The following SLC38A1 variants were observed in gnomAD, a reference collection of about 807,000 sequenced individuals.
SLC38A1 encodes sodium-coupled neutral amino acid symporter 1.
A neutral mutation model predicts 60.3 loss-of-function variants in SLC38A1; 18 were observed. The observed-to-expected ratio is 0.30, with a 90% CI of 0.21 to 0.44. The LOEUF (loss-of-function observed/expected upper bound fraction) is 0.44. SLC38A1 is among the 20% of genes least tolerant of loss of function. The pLI is 1.00. For missense variants in SLC38A1, 448 were observed against 587.2 expected (o/e 0.76, Z 2.45); for synonymous variants, 196 against 212.1 (o/e 0.92, Z 0.66).
intron 1 of SLC38A1, among the ~76,000 whole-genome samples, chr12:46,258,863 A>G (rs565347325): frequency 7.2e-5 from 11 of 152,340 alleles, no homozygotes; most frequent in African/African-American, 2.6e-4. Flanking sequence ...TATGTTGGCC[A>G]GGCTGGTCTT....
At chr12:46,248,319 C>G (rs1435801009) in intron 1 of SLC38A1, among the ~76,000 whole-genome samples, 3 of 151,870 alleles carry the variant, frequency 2.0e-5, no homozygotes, top group Non-Finnish European at 4.4e-5. Context: ...CACATAAGCT[C>G]AAAATATAGG....
At chr12:46,240,068 T>C (rs1353992696) in intron 2 of SLC38A1, among the ~76,000 whole-genome samples, 175 bp from the exon 3 acceptor site, 2 of 152,190 alleles carry the variant, frequency 1.3e-5, no homozygotes, top group African/African-American at 2.4e-5. Context: ...CTAAATTTTA[T>C]GCCTTTTATA....
At chr12:46,229,923 C>T (rs983540339) in intron 3 of SLC38A1, among the ~76,000 whole-genome samples, 1 of 152,126 alleles carries the variant, frequency 6.6e-6, no homozygotes, top group African/African-American at 2.4e-5. Flanking sequence ...CAAAACAATG[C>T]CAATAACAGG....
At position 46,188,699 on chromosome 12, in the gene SLC38A1, T is replaced by TA. The variant is rs1367160010; in HGVS notation, c.*270dup. On this transcript the variant is annotated 3_prime_UTR_variant, in exon 17 of 17. Transcript: ENST00000398637. ...GCCACAAAACATAGAGTTAGATGGGTAAAAAATGATTGTGAAAAGTACTGG... is the reference window on the plus strand; with the variant it reads ...GCCACAAAACATAGAGTTAGATGGGTAAAAAAATGATTGTGAAAAGTACTGG... 3.2e-6 allele frequency: 1 copy of TA among 309,800 alleles called. No homozygotes were observed. Among genetic ancestry groups the TA allele is most frequent in the African/African-American group, 2.1e-5 (1 of 47,256 alleles). 19.2% of individuals were successfully genotyped at this position (309,800 alleles called of 1,614,324 possible). A position where few individuals can be genotyped will look rare whatever the true frequency, so the allele number is the denominator to read the frequency against.
intron 3 of SLC38A1, among the ~76,000 whole-genome samples, chr12:46,231,533 TCAATTACCTGATCATGGTTAGAA>T (rs1941077597): frequency 6.6e-6 from 1 of 152,246 alleles, no homozygotes; most frequent in Admixed American, 6.5e-5. Flanking sequence ...GTCTGGAAAT[TCAATTACCTGATCATGGTTAGAA>T]CAAATGACAG....
rs1592063716 is a variant in SLC38A1, at chr12:46,195,913, G to A, written c.1362+1807C>T. On this transcript the variant is annotated intron_variant, in intron 16 of 16. Transcript: ENST00000398637. ...CCCTGACCCCTTGTGCTTCCTGGGT[G>A]AGGTGACGCCCCACCTTGCTTCAGC... The A allele has an allele frequency of 1.2e-5, 5 of 402,200 alleles. No individual in the cohort carries two copies. In the East Asian group the frequency reaches 2.6e-4, roughly 21 times the overall value. The allele number at this position is 402,200 out of a possible 1,614,324, so 24.9% of individuals were successfully genotyped here. A position where few individuals can be genotyped will look rare whatever the true frequency, so the allele number is the denominator to read the frequency against.
chr12:46,192,896 T>G (rs1376118567), intron 16 of SLC38A1, among the ~76,000 whole-genome samples: 3 of 152,194 alleles, frequency 2.0e-5, no homozygotes. Context: ...CCTGGATTCA[T>G]TGATTTTTTG....
At position 46,229,641 on chromosome 12, in the gene SLC38A1, T is replaced by C; in HGVS notation, c.123-2A>G. The C allele has an allele frequency of 6.2e-7, 1 of 1,611,596 alleles. No individual in the cohort carries two copies. Among genetic ancestry groups the C allele is most frequent in the Non-Finnish European group, 8.5e-7 (1 of 1,178,086 alleles). Reference sequence around the variant, plus strand: ...CTTTCACGATCAGAAATAAACTTGCTGTAAAGACATGCGTAATATATTTAA... The same window carrying C: ...CTTTCACGATCAGAAATAAACTTGCCGTAAAGACATGCGTAATATATTTAA... On this transcript the variant is annotated splice_acceptor_variant, in intron 3 of 16. Transcript: ENST00000398637. LOFTEE classifies it high-confidence loss of function.
At position 46,188,906 on chromosome 12, in the gene SLC38A1, G is replaced by A; in HGVS notation, c.*64C>T. ...TAAACTTGCAAAAGAAGTGGTGAGA[G>A]ATTGCTGATGTGTGGGGACTTGACT... is the stretch of plus-strand genomic sequence containing the variant. On this transcript the variant is annotated 3_prime_UTR_variant, in exon 17 of 17. Transcript: ENST00000398637. 2.3e-6 allele frequency: 3 copies of A among 1,299,864 alleles called. No homozygotes were observed. Among genetic ancestry groups the A allele is most frequent in the Non-Finnish European group, 2.2e-6 (2 of 904,124 alleles). The allele number at this position is 1,299,864 out of a possible 1,614,324, so 80.5% of individuals were successfully genotyped here.
At chr12:46,199,078 C>T (rs748619793) in intron 13 of SLC38A1, among the ~76,000 whole-genome samples, 1 of 151,930 alleles carries the variant, frequency 6.6e-6, no homozygotes, top group Non-Finnish European at 1.5e-5. Flanking sequence ...CTAGACTTTC[C>T]CTCCACTCTT....
At chr12:46,204,646 T>C (rs914819478) in intron 9 of SLC38A1, 56 bp from the exon 10 acceptor site, 1 of 1,366,880 alleles carries the variant, frequency 7.3e-7, no homozygotes, top group African/African-American at 1.5e-5. Flanking sequence ...TTAAAAATTT[T>C]GGAGCTACCC....
intron 6 of SLC38A1, 104 bp from the exon 7 acceptor site, chr12:46,207,725 G>T: frequency 9.1e-7 from 1 of 1,102,960 alleles, no homozygotes; most frequent in Non-Finnish European, 1.4e-6. Flanking sequence ...GTTACTATGT[G>T]CCTTTCTCAA....
chr12:46,262,273 A>C (rs1942220896), intron 1 of SLC38A1, among the ~76,000 whole-genome samples: 1 of 152,220 alleles, frequency 6.6e-6, no homozygotes, highest in Non-Finnish European at 1.5e-5. Context: ...CTATATCAGA[A>C]ATTTTGAAAC....
At position 46,189,082 on chromosome 12, in the gene SLC38A1, A is replaced by G; in HGVS notation, c.1363-11T>C. 6.2e-7 allele frequency: 1 copy of G among 1,611,636 alleles called. No homozygotes were observed. The highest frequency in any genetic ancestry group is 8.5e-7 in the Non-Finnish European group (1 of 1,178,212). Reference sequence around the variant, plus strand: ...CAAGAAAAGGGCAGCCTGGAGCAAGAGAAAGGCAAGGGTTATTTTCAGTGC... The same window carrying G: ...CAAGAAAAGGGCAGCCTGGAGCAAGGGAAAGGCAAGGGTTATTTTCAGTGC... On this transcript the variant is annotated splice_polypyrimidine_tract_variant and intron_variant, in intron 16 of 16. Coordinates refer to ENST00000398637, the MANE Select transcript of SLC38A1 (RefSeq NM_030674.4).
At chr12:46,238,177 G>T (rs1342543079) in intron 3 of SLC38A1, among the ~76,000 whole-genome samples, 1 of 150,616 alleles carries the variant, frequency 6.6e-6, no homozygotes, top group Non-Finnish European at 1.5e-5. Context: ...TGGCACTCAA[G>T]AAATGGGTAT....
chr12:46,252,314 A>G (rs1396101678), intron 1 of SLC38A1, among the ~76,000 whole-genome samples: 1 of 152,156 alleles, frequency 6.6e-6, no homozygotes, highest in Non-Finnish European at 1.5e-5. Context: ...AGGGAGGGGA[A>G]CATCACACAC....
chr12:46,264,709 T>C (rs904916314), intron 1 of SLC38A1, among the ~76,000 whole-genome samples: 5 of 152,194 alleles, frequency 3.3e-5, no homozygotes, highest in Non-Finnish European at 5.9e-5. Flanking sequence ...TTTAGTGCAC[T>C]TGTCATCTGA....
chr12:46,202,805 A>G (rs1730525472), intron 12 of SLC38A1, among the ~76,000 whole-genome samples: 1 of 152,190 alleles, frequency 6.6e-6, no homozygotes, highest in Admixed American at 6.5e-5. Flanking sequence ...GCCCCCCAAA[A>G]TACTGCAAGT....
At chr12:46,255,228 G>A (rs1455486546) in intron 1 of SLC38A1, among the ~76,000 whole-genome samples, 3 of 152,140 alleles carry the variant, frequency 2.0e-5, no homozygotes, top group African/African-American at 7.2e-5. Flanking sequence ...AAATCTTTTA[G>A]GACAGCCACT....
Sources: gnomAD v4.1 joint callset for allele counts (sites outside exome capture counted in the v4.1 genomes callset) on GRCh38, gnomAD v4.1.1 for gene constraint, MANE v1.5 for transcripts, NCBI Gene and HGNC (gene_info 2026-07-23, HGNC 2026-07-21) for gene names.